Variants in NR2C1 observed in about 807,000 individuals in gnomAD.
NR2C1 encodes the protein TR2 nuclear hormone receptor.
A neutral mutation model predicts 74.8 loss-of-function variants in NR2C1; 33 were observed. The observed-to-expected ratio is 0.44, with a 90% CI of 0.33 to 0.59. The LOEUF (loss-of-function observed/expected upper bound fraction) is 0.59. Ranked by LOEUF, NR2C1 falls within the 20% of genes least tolerant of loss-of-function variation. The probability of loss-of-function intolerance (pLI) is 0.02; values close to 1 mark genes in which losing one functional copy is unlikely to be tolerated. For missense variants in NR2C1, 568 were observed against 715.6 expected (o/e 0.79, Z 2.35); for synonymous variants, 225 against 240.6 (o/e 0.94, Z 0.60).
intron 11 of NR2C1, among the ~76,000 whole-genome samples, chr12:95,028,981 A>C (rs924014422): frequency 1.3e-5 from 2 of 152,156 alleles, no homozygotes; most frequent in Non-Finnish European, 2.9e-5. Context: ...AATGTTTAAA[A>C]TTAAGTATTT....
chr12:95,060,590 G>A (rs1874644805), intron 3 of NR2C1, among the ~76,000 whole-genome samples: 1 of 152,320 alleles, frequency 6.6e-6, no homozygotes, highest in African/African-American at 2.4e-5. Context: ...AGGCGGCAGA[G>A]GTTGCAGTGA....
intron 11 of NR2C1, among the ~76,000 whole-genome samples, chr12:95,029,125 A>G (rs1002717311): frequency 6.6e-6 from 1 of 151,830 alleles, no homozygotes; most frequent in Non-Finnish European, 1.5e-5. Flanking sequence ...TCTGTTGCCC[A>G]AGGCTGGAGT....
rs1870089815 is a variant in NR2C1 at position 95,031,380 on chromosome 12, A to G, written c.1362T>C (p.Phe454=). Residue 454 remains phenylalanine, a synonymous_variant, in exon 11 of 14, where the codon TTT becomes TTC. Coordinates refer to ENST00000333003, the MANE Select transcript of NR2C1 (RefSeq NM_003297.4). ...GAAGACTATTGTGAAGACAATTGAC[A>G]AATGTTGCTAATATAGTTGCTACAT... ...VMNVATILAT[F]VNCLHNSLQQ... is the part of the protein sequence containing the mutation. 1.2e-6 allele frequency: 2 copies of G among 1,604,544 alleles called. No homozygotes were observed. Among genetic ancestry groups the G allele is most frequent in the Non-Finnish European group, 1.7e-6 (2 of 1,176,434 alleles).
At chr12:95,025,581 C>G (rs979397167) in intron 12 of NR2C1, among the ~76,000 whole-genome samples, 1 of 148,704 alleles carries the variant, frequency 6.7e-6, no homozygotes, top group African/African-American at 2.5e-5. Context: ...TCACTTAAAC[C>G]TGGGAGGCAG....
intron 3 of NR2C1, among the ~76,000 whole-genome samples, chr12:95,061,210 T>A (rs1454450177): frequency 6.6e-6 from 1 of 152,188 alleles, no homozygotes; most frequent in African/African-American, 2.4e-5. Flanking sequence ...AGGAGACATG[T>A]CAACTCAATG....
intron 3 of NR2C1, among the ~76,000 whole-genome samples, chr12:95,061,917 A>T (rs996853197): frequency 1.3e-5 from 2 of 152,224 alleles, no homozygotes; most frequent in Non-Finnish European, 2.9e-5. Context: ...GTTAACATAT[A>T]CTACTTCATT....
At chr12:95,062,190 C>T (rs1363010626) in intron 3 of NR2C1, among the ~76,000 whole-genome samples, 1 of 152,204 alleles carries the variant, frequency 6.6e-6, no homozygotes, top group Admixed American at 6.5e-5. Context: ...TCTTGAAAAC[C>T]TGGCCTAGAA....
chr12:95,025,374 T>C (rs559956365), intron 12 of NR2C1, 119 bp from the exon 13 acceptor site: 53 of 585,364 alleles, frequency 9.1e-5, no homozygotes, highest in African/African-American at 7.9e-4. Flanking sequence ...AATGTGTGGC[T>C]CAGGCCGGGC....
chr12:95,045,925 G>A (rs552091328), intron 9 of NR2C1, among the ~76,000 whole-genome samples: 3 of 152,088 alleles, frequency 2.0e-5, no homozygotes, highest in Non-Finnish European at 2.9e-5. Context: ...GGCAACCTCC[G>A]CCTCCCCGGG....
intron 2 of NR2C1, among the ~76,000 whole-genome samples, chr12:95,065,303 C>T (rs2083972005): frequency 6.6e-6 from 1 of 152,100 alleles, no homozygotes; most frequent in African/African-American, 2.4e-5. Context: ...CTGCCTCAGC[C>T]TCCTGAGTAG....
chr12:95,053,685 T>TG (rs1873379598), intron 7 of NR2C1, among the ~76,000 whole-genome samples: 2 of 130,450 alleles, frequency 1.5e-5, no homozygotes, highest in South Asian at 2.4e-4. Context: ...TTTGGTGTTT[T>TG]TTTTTTTTTT....
chr12:95,046,325 C>T (rs1333944415), intron 9 of NR2C1, among the ~76,000 whole-genome samples: 1 of 152,232 alleles, frequency 6.6e-6, no homozygotes, highest in Non-Finnish European at 1.5e-5. Flanking sequence ...GTGGGTTACA[C>T]TTGTAATCCC....
At chr12:95,022,446 C>G (rs764413854) in intron 13 of NR2C1, 43 bp from the exon 14 acceptor site, 2 of 1,476,614 alleles carry the variant, frequency 1.4e-6, no homozygotes, top group Non-Finnish European at 1.8e-6. Context: ...AGGTTGTAAA[C>G]CAGAAAGAAA....
chr12:95,059,865 A>ATT (rs762627758), intron 4 of NR2C1, 41 bp downstream of exon 4: 30 of 1,282,724 alleles, frequency 2.3e-5, no homozygotes, highest in South Asian at 2.8e-5. Context: ...ATAGGAGGTT[A>ATT]TTTTTTTTTT....
chr12:95,068,693 C>A (rs1358308995), intron 1 of NR2C1, among the ~76,000 whole-genome samples: 12 of 151,888 alleles, frequency 7.9e-5, no homozygotes, highest in Non-Finnish European at 1.5e-5. Context: ...ACTCAGGAGG[C>A]TGAGGCAGTA....
intron 8 of NR2C1, among the ~76,000 whole-genome samples, chr12:95,050,616 C>T (rs899268023): frequency 1.3e-5 from 2 of 151,620 alleles, no homozygotes; most frequent in African/African-American, 2.4e-5. Flanking sequence ...GCCAATTCAG[C>T]GTATTTTTAT....
chr12:95,062,221 A>G (rs557595136), intron 3 of NR2C1, among the ~76,000 whole-genome samples: 3 of 152,182 alleles, frequency 2.0e-5, no homozygotes, highest in African/African-American at 7.2e-5. Flanking sequence ...AACCTTCCTA[A>G]CAATTCTGCA....
intron 7 of NR2C1, among the ~76,000 whole-genome samples, chr12:95,056,053 G>GC (rs896905173): frequency 2.6e-5 from 4 of 151,700 alleles, no homozygotes; most frequent in African/African-American, 9.7e-5. Flanking sequence ...GGTCACTTGA[G>GC]CCCAGGAGTT....
chr12:95,056,750 C>A (rs530480565), intron 7 of NR2C1, among the ~76,000 whole-genome samples: 4 of 152,000 alleles, frequency 2.6e-5, no homozygotes, highest in Non-Finnish European at 5.9e-5. Context: ...CGAGGTCAGG[C>A]GATCGAGACC....
Sources: gnomAD v4.1 joint callset for allele counts (sites outside exome capture counted in the v4.1 genomes callset) on GRCh38, gnomAD v4.1.1 for gene constraint, MANE v1.5 for transcripts, NCBI Gene and HGNC (gene_info 2026-07-23, HGNC 2026-07-21) for gene names.